Variants in C1S observed in about 807,000 individuals in gnomAD.
The protein encoded by C1S is complement C1s subcomponent.
In C1S, 31 loss-of-function variants were observed where a neutral mutation model predicts 54.0. The ratio of observed to expected loss-of-function variants is 0.57; its 90% CI spans 0.43 to 0.78. C1S has a LOEUF of 0.78. Among genes scored for constraint, C1S ranks in the 30% least tolerant of loss-of-function variants. C1S has a pLI of 0.00. For missense variants in C1S, 727 were observed against 851.8 expected, an observed-to-expected ratio of 0.85 and a Z score of 1.82; for synonymous variants, 292 against 303.6, an observed-to-expected ratio of 0.96 and a Z score of 0.40.
At chr12:7,064,035 T>TACACACACACACACAC (rs374863140) in intron 4 of C1S, 5 of 571,140 alleles carry the variant, frequency 8.8e-6, no homozygotes, top group African/African-American at 7.6e-5. Flanking sequence ...CTATGTCACT[T>TACACACACACACACAC]ACACACACAC....
rs926222959 is a variant in C1S at position 7,065,151 on chromosome 12, C to T, written c.569C>T (p.Pro190Leu). Residue 190 changes from proline to leucine, a missense_variant, in exon 6 of 12, where the codon CCC becomes CTC. This residue lies in a region of C1S where 357 missense variants were observed against 365.4 expected (regional missense o/e 0.98). Coordinates refer to ENST00000360817, the MANE Select transcript of C1S (RefSeq NM_001734.5). Reference sequence around the variant, plus strand: ...GCACTGATTGGGGAGATTGCAAGTCCCAATTATCCCAAACCATATCCAGAG... The same window carrying T: ...GCACTGATTGGGGAGATTGCAAGTCTCAATTATCCCAAACCATATCCAGAG... ...FTALIGEIAS[P>L]NYPKPYPENS... 2 of 1,613,954 alleles carry T rather than the reference C, an allele frequency of 1.2e-6. No individual in the cohort carries two copies. The highest frequency in any genetic ancestry group is 1.7e-6 in the Non-Finnish European group (2 of 1,179,952).
intron 4 of C1S, chr12:7,063,323 TGTATTGG>T: frequency 1.8e-6 from 1 of 546,230 alleles, no homozygotes; most frequent in Non-Finnish European, 3.4e-6. Flanking sequence ...AAACTGGGTA[TGTATTGG>T]GGATTGGGGA....
intron 11 of C1S, 96 bp downstream of exon 11, chr12:7,068,626 C>A: frequency 1.2e-6 from 1 of 869,166 alleles, no homozygotes; most frequent in Non-Finnish European, 1.9e-6. Context: ...AAGGACTGAA[C>A]AGTGACCTGC....
Position 7,062,901 on chromosome 12 carries a change from A to T in C1S, c.225A>T (p.Gly75=). 1 of 1,613,878 alleles carries T rather than the reference A, an allele frequency of 6.2e-7. No homozygotes were observed. The highest frequency in any genetic ancestry group is 8.5e-7 in the Non-Finnish European group (1 of 1,179,958). ...GACTCTTCTCTTAGATAATCTCAGG[A>T]GACACTGAAGAAGGGAGGCTCTGTG... ...CAYDSVQIIS[G]DTEEGRLCGQ... is the part of the protein sequence containing the mutation. The change falls in exon 4 of 12, where the codon GGA becomes GGT. Residue 75 remains glycine, a synonymous_variant. Coordinates refer to ENST00000360817, the MANE Select transcript of C1S (RefSeq NM_001734.5).
At chr12:7,066,181 A>G in intron 7 of C1S, 8 of 621,754 alleles carry the variant, frequency 1.3e-5, no homozygotes, top group Non-Finnish European at 2.0e-5. Context: ...AAAACAAAAC[A>G]AAAACAAAGC....
At position 7,066,650 on chromosome 12, in the gene C1S, G is replaced by A. The variant is rs1937673014; in HGVS notation, c.987+17G>A. Reference sequence around the variant, plus strand: ...GTTGTGGAGGTAAAGTACCACCTTGGCTTCTCCCCAGTCCCTGGCCCCAGA... The same window carrying A: ...GTTGTGGAGGTAAAGTACCACCTTGACTTCTCCCCAGTCCCTGGCCCCAGA... On this transcript the variant is annotated intron_variant, in intron 8 of 11. Transcript: ENST00000360817. 6.9e-7 allele frequency: 1 copy of A among 1,444,420 alleles called. No individual in the cohort carries two copies. The highest frequency in any genetic ancestry group is 1.7e-5 in the Admixed American group (1 of 59,770). 89.5% of individuals were successfully genotyped at this position (1,444,420 alleles called of 1,614,324 possible). A position where few individuals can be genotyped will look rare whatever the true frequency, so the allele number is the denominator to read the frequency against.
intron 9 of C1S, chr12:7,067,407 AC>A: frequency 1.5e-6 from 1 of 667,242 alleles, no homozygotes; most frequent in Non-Finnish European, 2.7e-6. Context: ...ACCACTGAGA[AC>A]CAGGCTCTTC....
chr12:7,067,216 G>GT (rs1225224675), intron 9 of C1S, 99 bp downstream of exon 9: 1 of 900,956 alleles, frequency 1.1e-6, no homozygotes, highest in African/African-American at 1.6e-5. Context: ...TCTTAGGCAT[G>GT]TGAGGGAGTG....
intron 11 of C1S, chr12:7,068,900 G>A (rs10849546): frequency 0.12 from 31,344 of 261,850 alleles, 2,017 homozygotes; most frequent in Non-Finnish European, 0.13. Flanking sequence ...AAGTTTATAG[G>A]GCAGCAAGAT....
intron 11 of C1S, 65 bp from the exon 12 acceptor site, chr12:7,069,790 G>T: frequency 1.5e-6 from 2 of 1,328,538 alleles, no homozygotes; most frequent in Non-Finnish European, 2.2e-6. Flanking sequence ...GTGAGTGGTT[G>T]GAGGATTTGC....
chr12:7,068,214 T>C (rs1937728846), intron 10 of C1S, among the ~76,000 whole-genome samples: 1 of 152,254 alleles, frequency 6.6e-6, no homozygotes, highest in Admixed American at 6.5e-5. Context: ...TTCGCCACTT[T>C]CCCGATGCCT....
chr12:7,064,448 C>T, intron 5 of C1S, 56 bp downstream of exon 5: 1 of 1,608,554 alleles, frequency 6.2e-7, no homozygotes, highest in East Asian at 2.2e-5. Flanking sequence ...TGGCTGAGGC[C>T]TCAGAAAGGG....
chr12:7,064,331 T>C lies in C1S; in HGVS notation c.456T>C (p.Gly152=). The C allele has an allele frequency of 6.2e-7, 1 of 1,614,082 alleles. No individual in the cohort carries two copies. The highest frequency in any genetic ancestry group is 8.5e-7 in the Non-Finnish European group (1 of 1,179,972). The part of the protein sequence containing the change: ...PCSHFCNNFI[G]GYFCSCPPEY... ...GCCACTTCTGCAACAATTTCATTGG[T>C]GGTTACTTCTGCTCCTGCCCCCCGG... Residue 152 remains glycine, a synonymous_variant, in exon 5 of 12, where the codon GGT becomes GGC. Transcript: ENST00000360817.
chr12:7,066,194 CAATAATTTAA>C, intron 7 of C1S: 1 of 612,862 alleles, frequency 1.6e-6, no homozygotes, highest in East Asian at 2.8e-5. Context: ...AACAAAGCAA[CAATAATTTAA>C]AAAACAGATA....
At position 7,065,496 on chromosome 12, in the gene C1S, C is replaced by A. The variant is rs782318227; in HGVS notation, c.717+197C>A. 35 of 680,162 alleles carry A rather than the reference C, an allele frequency of 5.1e-5. No homozygotes were observed. In the East Asian group the frequency reaches 8.1e-4, roughly 16 times the overall value. The allele number at this position is 680,162 out of a possible 1,614,324, so 42.1% of individuals were successfully genotyped here. ...TCAGCCTCCTGAGTAGCTGGGCCCACAGACGTGTGTCATCAAACCCAGCTA... is the reference window on the plus strand; with the variant it reads ...TCAGCCTCCTGAGTAGCTGGGCCCAAAGACGTGTGTCATCAAACCCAGCTA... On this transcript the variant is annotated intron_variant, in intron 6 of 11. Transcript: ENST00000360817.
chr12:7,066,483 T>A (rs1226241389), intron 7 of C1S, 35 bp from the exon 8 acceptor site: 1 of 1,241,938 alleles, frequency 8.1e-7, no homozygotes, highest in Admixed American at 1.7e-5. Flanking sequence ...TATTTAGTAA[T>A]TTTTTCCTCC....
chr12:7,062,415 C>T (rs1223177089), intron 2 of C1S, 60 bp from the exon 3 acceptor site: 46 of 1,241,196 alleles, frequency 3.7e-5, no homozygotes, highest in Middle Eastern at 5.4e-4. Context: ...GCAAATAGCG[C>T]GTTCTGTCCT....
rs1273656713 is a variant in C1S at position 7,070,372 on chromosome 12, A to G, written c.1788A>G (p.Lys596=). ...RLPVAPLRKC[K]EVKVEKPTAD... ...CTGTAGCTCCTTTAAGAAAATGCAA[A>G]GAAGTGAAAGTGGAGAAACCCACAG... The change falls in exon 12 of 12, where the codon AAA becomes AAG. Residue 596 remains lysine, a synonymous_variant. Transcript: ENST00000360817. The surrounding 1 kb of genome is among the most constrained non-coding windows in gnomAD (Gnocchi z 4.9). 6.2e-6 allele frequency: 10 copies of G among 1,614,146 alleles called. No individual in the cohort carries two copies. Among genetic ancestry groups the G allele is most frequent in the Non-Finnish European group, 8.5e-6 (10 of 1,180,058 alleles).
chr12:7,065,303 C>A lies in C1S; in HGVS notation c.717+4C>A, dbSNP rs782020836. On this transcript the variant is annotated splice_donor_region_variant and intron_variant, in intron 6 of 11. Coordinates refer to ENST00000360817, the MANE Select transcript of C1S (RefSeq NM_001734.5). The stretch of plus-strand genomic sequence containing the variant: ...AAACTGCCTTGACAGTTTAGTTGTG[C>A]GTGATGGTTGATTAATACCCCACCC... The A allele has an allele frequency of 1.2e-6, 2 of 1,607,632 alleles. No homozygotes were observed. The highest frequency in any genetic ancestry group is 1.3e-5 in the African/African-American group (1 of 74,740).
Sources: gnomAD v4.1 joint callset for allele counts (sites outside exome capture counted in the v4.1 genomes callset) on GRCh38, gnomAD v4.1.1 for gene constraint, gnomAD v4.1.1 regional missense constraint, Gnocchi (gnomAD v3.1) non-coding constraint, MANE v1.5 for transcripts, NCBI Gene and HGNC (gene_info 2026-07-23, HGNC 2026-07-21) for gene names.